ANKRD31: variants seen among roughly 807,000 people sequenced by gnomAD.
The protein encoded by ANKRD31 is ankyrin repeat domain 31.
ANKRD31 carries 147 observed loss-of-function variants against 186.0 expected under a neutral mutation model. The ratio of observed to expected loss-of-function variants is 0.79; its 90% CI spans 0.69 to 0.91. The LOEUF (loss-of-function observed/expected upper bound fraction) is 0.91. Ranked by LOEUF, ANKRD31 falls within the 40% of genes least tolerant of loss-of-function variation. The probability of loss-of-function intolerance (pLI) is 0.00; values close to 1 mark genes in which losing one functional copy is unlikely to be tolerated. For missense variants in ANKRD31, 1,986 were observed against 2,148.8 expected (o/e 0.92, Z 1.50); for synonymous variants, 673 against 736.4 (o/e 0.91, Z 1.39).
chr5:75,204,190 C>T (rs1245444161), intron 5 of ANKRD31, among the ~76,000 whole-genome samples: 5 of 152,166 alleles, frequency 3.3e-5, no homozygotes, highest in Non-Finnish European at 7.4e-5. Context: ...AAGACTACTG[C>T]TCTTAAACTA....
chr5:75,235,622 T>C (rs1489927548), intron 1 of ANKRD31, among the ~76,000 whole-genome samples: 1 of 152,174 alleles, frequency 6.6e-6, no homozygotes, highest in Admixed American at 6.5e-5. Context: ...TTTATGTTGC[T>C]TTCTCTCTCA....
At chr5:75,198,222 A>C (rs1041339216) in intron 6 of ANKRD31, among the ~76,000 whole-genome samples, 3 of 152,108 alleles carry the variant, frequency 2.0e-5, no homozygotes, top group Non-Finnish European at 4.4e-5. Context: ...CCTGTTCCAG[A>C]CCCTAAATAG....
At chr5:75,177,812 G>A (rs1481045422) in intron 10 of ANKRD31, among the ~76,000 whole-genome samples, 3 of 152,192 alleles carry the variant, frequency 2.0e-5, no homozygotes, top group Non-Finnish European at 2.9e-5. Context: ...ATGCTAGGAA[G>A]AAACTGCATC....
At chr5:75,236,409 G>C (rs1758277421) in intron 1 of ANKRD31, among the ~76,000 whole-genome samples, 174 bp downstream of exon 1, 1 of 152,210 alleles carries the variant, frequency 6.6e-6, no homozygotes, top group South Asian at 2.1e-4. Flanking sequence ...GGAACAGACT[G>C]TGTTTGCTTA....
At chr5:75,194,176 T>G (rs1308739407) in intron 7 of ANKRD31, among the ~76,000 whole-genome samples, 1 of 152,156 alleles carries the variant, frequency 6.6e-6, no homozygotes, top group Non-Finnish European at 1.5e-5. Flanking sequence ...CATATCCGTC[T>G]TGCAAAGCTT....
chr5:75,174,800 C>T lies in ANKRD31; in HGVS notation c.1565-5679G>A, dbSNP rs1753647765. On this transcript the variant is annotated intron_variant, in intron 10 of 25. Transcript: ENST00000506364. ...TTGGTGGGAGTGTAAATTAGTTCAA[C>T]CATTTTGCAAGACAGTGTGGTGATT... Among the ~76,000 whole-genome samples, 4 of 152,158 alleles carry T rather than the reference C, an allele frequency of 2.6e-5. No individual in the cohort carries two copies. In the South Asian group the frequency reaches 8.3e-4, roughly 32 times the overall value.
chr5:75,174,799 A>G (rs1753647497), intron 10 of ANKRD31, among the ~76,000 whole-genome samples: 1 of 152,228 alleles, frequency 6.6e-6, no homozygotes. Context: ...AATTAGTTCA[A>G]CCATTTTGCA....
At chr5:75,204,445 G>A (rs975319596) in intron 5 of ANKRD31, among the ~76,000 whole-genome samples, 10 of 152,120 alleles carry the variant, frequency 6.6e-5, no homozygotes, top group Admixed American at 2.6e-4. Context: ...GTAATCTAAT[G>A]TTTTGTCCGA....
At chr5:75,100,370 A>T (rs1163011667) in intron 22 of ANKRD31, among the ~76,000 whole-genome samples, 1 of 152,134 alleles carries the variant, frequency 6.6e-6, no homozygotes, top group African/African-American at 2.4e-5. Flanking sequence ...GAATAAGTGC[A>T]ACGTGGTGCT....
intron 20 of ANKRD31, 48 bp from the exon 21 acceptor site, chr5:75,107,665 T>A (rs1247754710): frequency 5.4e-6 from 6 of 1,118,578 alleles, no homozygotes; most frequent in African/African-American, 4.8e-5. Context: ...AGAGTGAATG[T>A]CAAATTTGGT....
At chr5:75,148,039 AG>A (rs1477874895) in intron 13 of ANKRD31, among the ~76,000 whole-genome samples, 1 of 151,872 alleles carries the variant, frequency 6.6e-6, no homozygotes, top group East Asian at 1.9e-4. Flanking sequence ...ATTGTTATAT[AG>A]GTGGAGCTAG....
At chr5:75,097,558 C>T (rs1197735665) in intron 22 of ANKRD31, among the ~76,000 whole-genome samples, 2 of 152,140 alleles carry the variant, frequency 1.3e-5, no homozygotes, top group Non-Finnish European at 2.9e-5. Flanking sequence ...TGGGTATTAG[C>T]CCTTTGTCAG....
intron 15 of ANKRD31, 50 bp from the exon 16 acceptor site, chr5:75,139,033 T>G (rs1039298350): frequency 5.3e-6 from 8 of 1,523,506 alleles, no homozygotes; most frequent in African/African-American, 1.4e-5. Context: ...TGCTGATTGT[T>G]ATAAAGGATC....
chr5:75,197,078 T>C (rs1308468495), intron 6 of ANKRD31, among the ~76,000 whole-genome samples: 3 of 152,108 alleles, frequency 2.0e-5, no homozygotes, highest in Non-Finnish European at 4.4e-5. Context: ...TTTTTTGTAC[T>C]TTTAGGAGAG....
chr5:75,124,414 A>C (rs749135915), intron 17 of ANKRD31, among the ~76,000 whole-genome samples: 3 of 152,204 alleles, frequency 2.0e-5, no homozygotes, highest in Non-Finnish European at 2.9e-5. Context: ...CTTTCAATCC[A>C]GCAATCTCAC....
intron 10 of ANKRD31, among the ~76,000 whole-genome samples, chr5:75,186,484 T>A (rs1157020819): frequency 6.6e-6 from 1 of 152,210 alleles, no homozygotes; most frequent in Non-Finnish European, 1.5e-5. Context: ...CAGGCTATCA[T>A]TAATACCCTG....
Position 75,195,673 on chromosome 5 carries a change from G to C in ANKRD31, c.975C>G (p.Phe325Leu), listed in dbSNP as rs1755413032. The stretch of plus-strand genomic sequence containing the variant: ...AATCTTCATTGGTCTGAGACGTATT[G>C]AACTCCACTTCTAAACATTCATTTC... ...IARNECLEVE[F>L]NTSQTNEDCT... Residue 325 changes from phenylalanine to leucine, a missense_variant, in exon 7 of 26, where the codon TTC (phenylalanine) becomes TTG (leucine). Coordinates refer to ENST00000506364, the MANE Select transcript of ANKRD31 (RefSeq NM_001372053.1). The C allele has an allele frequency of 2.0e-6, 3 of 1,536,402 alleles. No individual in the cohort carries two copies. The African/African-American group carries it at 4.1e-5, about 21-fold the overall frequency.
At chr5:75,088,224 T>C (rs933070607) in intron 23 of ANKRD31, among the ~76,000 whole-genome samples, 1 of 152,160 alleles carries the variant, frequency 6.6e-6, no homozygotes, top group Non-Finnish European at 1.5e-5. Flanking sequence ...AGAGGAGTTG[T>C]TCTTGAAAAG....
intron 21 of ANKRD31, among the ~76,000 whole-genome samples, chr5:75,106,529 A>G (rs1295752445): frequency 6.6e-6 from 1 of 152,130 alleles, no homozygotes; most frequent in Non-Finnish European, 1.5e-5. Context: ...TATGTGAAAC[A>G]AGGAGTTCAG....
Sources: gnomAD v4.1 joint callset for allele counts (sites outside exome capture counted in the v4.1 genomes callset) on GRCh38, gnomAD v4.1.1 for gene constraint, MANE v1.5 for transcripts, NCBI Gene and HGNC (gene_info 2026-07-23, HGNC 2026-07-21) for gene names.